ATP2C2: variants seen among roughly 807,000 people sequenced by gnomAD.
The protein encoded by ATP2C2 is ATPase secretory pathway Ca2+ transporting 2, also known as calcium-transporting ATPase type 2C member 2.
A neutral mutation model predicts 110.8 loss-of-function variants in ATP2C2; 171 were observed. The ratio of observed to expected loss-of-function variants is 1.54; its 90% confidence interval spans 1.36 to 1.75. The LOEUF is 1.75. Ranked by LOEUF, ATP2C2 falls within the 40% of genes most tolerant of loss-of-function variation. The pLI is 0.00. For missense variants in ATP2C2, 1,963 were observed against 1,235.0 expected (o/e 1.59, Z -8.84); for synonymous variants, 804 against 508.4 (o/e 1.58, Z -7.82).
At chr16:84,372,701 G>C (rs1486728153) in intron 1 of ATP2C2, among the ~76,000 whole-genome samples, 1 of 152,068 alleles carries the variant, frequency 6.6e-6, no homozygotes, top group Non-Finnish European at 1.5e-5. Flanking sequence ...TGGGATTACA[G>C]GCGTGAGCCA....
chr16:84,459,582 G>T, intron 23 of ATP2C2, 196 bp downstream of exon 23: 2 of 1,536,020 alleles, frequency 1.3e-6, no homozygotes, highest in South Asian at 2.4e-5. Context: ...TACCTGGGCC[G>T]GCAGAGCTGG....
At chr16:84,391,530 G>A (rs1288960649) in intron 1 of ATP2C2, among the ~76,000 whole-genome samples, 1 of 152,224 alleles carries the variant, frequency 6.6e-6, no homozygotes, top group Non-Finnish European at 1.5e-5. Context: ...AATGACTGGG[G>A]TCTTTATAAG....
Position 84,446,431 on chromosome 16 carries a change from G to A in ATP2C2, c.1503+1G>A. 1 of 1,582,538 alleles carries A rather than the reference G, an allele frequency of 6.3e-7. No homozygotes were observed. The highest frequency in any genetic ancestry group is 8.6e-7 in the Non-Finnish European group (1 of 1,165,506). ...GGTGAAATGCAGTCTGAAGACTGAGGTGAGACCTTTCAATCTTCAACCTCT... is the reference window on the plus strand; with the variant it reads ...GGTGAAATGCAGTCTGAAGACTGAGATGAGACCTTTCAATCTTCAACCTCT... On this transcript the variant is annotated splice_donor_variant, in intron 16 of 26. Coordinates refer to ENST00000262429, the MANE Select transcript of ATP2C2 (RefSeq NM_014861.4). LOFTEE classifies it high-confidence loss of function.
chr16:84,418,229 G>A (rs1907008909), intron 7 of ATP2C2, among the ~76,000 whole-genome samples: 1 of 152,222 alleles, frequency 6.6e-6, no homozygotes, highest in Admixed American at 6.5e-5. Context: ...TAGGAGGTGA[G>A]CCCGCGATTG....
At chr16:84,441,906 G>GA (rs369464284) in intron 14 of ATP2C2, among the ~76,000 whole-genome samples, 322 of 152,202 alleles carry the variant, frequency 2.1e-3, no homozygotes, top group African/African-American at 7.3e-3. Flanking sequence ...CTGGGTAATA[G>GA]AATGAGACTC....
intron 1 of ATP2C2, 93 bp downstream of exon 1, chr16:84,368,807 G>C: frequency 9.0e-7 from 1 of 1,111,640 alleles, no homozygotes. Flanking sequence ...CGTTCGCGCT[G>C]CGATCCGCGA....
At chr16:84,438,905 C>G (rs1379360453) in intron 11 of ATP2C2, 3 of 362,248 alleles carry the variant, frequency 8.3e-6, no homozygotes, top group East Asian at 4.7e-5. Context: ...GGCAAAACAG[C>G]TGACAGACTA....
rs186631410 is a variant in ATP2C2, at chr16:84,391,340, A to G, written c.100-7159A>G. Among the ~76,000 whole-genome samples the G allele has an allele frequency of 9.3e-4, 141 of 152,302 alleles. 1 individual carries two copies. In the Middle Eastern group the frequency reaches 0.014, roughly 15 times the overall value. On this transcript the variant is annotated intron_variant, in intron 1 of 26. Transcript: ENST00000262429. ...CCACAGCCCCGGGGCAGCTACTGCC[A>G]TCTCTCGCATCTTCTGTGGACGCAC...
chr16:84,408,500 T>A lies in ATP2C2; in HGVS notation c.417+6T>A, dbSNP rs1187018194. ...ACGCCGTCAGCATCGCCACGGTGAG[T>A]TCCCTGACAGCGCTCGGCTCCCGGG... On this transcript the variant is annotated splice_donor_region_variant and intron_variant, in intron 4 of 26. Transcript: ENST00000262429. 1 of 1,611,330 alleles carries A rather than the reference T, an allele frequency of 6.2e-7. No individual in the cohort carries two copies. Among genetic ancestry groups the A allele is most frequent in the South Asian group, 1.1e-5 (1 of 91,010 alleles).
At chr16:84,408,762 C>T (rs1906010683) in intron 4 of ATP2C2, among the ~76,000 whole-genome samples, 1 of 151,928 alleles carries the variant, frequency 6.6e-6, no homozygotes, top group Admixed American at 6.6e-5. Context: ...TTCCCGTGAC[C>T]CTGGGATGAG....
intron 3 of ATP2C2, among the ~76,000 whole-genome samples, chr16:84,407,622 C>T (rs1451299760): frequency 1.3e-5 from 2 of 152,080 alleles, no homozygotes; most frequent in Non-Finnish European, 2.9e-5. Flanking sequence ...AGGTGCACCT[C>T]ACCATGCCCA....
At chr16:84,435,106 A>C in intron 11 of ATP2C2, among the ~76,000 whole-genome samples, 1 of 152,226 alleles carries the variant, frequency 6.6e-6, no homozygotes, top group South Asian at 2.1e-4. Flanking sequence ...ATTCACAACC[A>C]TTCTATTCAA....
At chr16:84,437,454 G>A (rs1043410028) in intron 11 of ATP2C2, among the ~76,000 whole-genome samples, 2 of 152,018 alleles carry the variant, frequency 1.3e-5, no homozygotes, top group Admixed American at 6.6e-5. Context: ...CAAATGATCT[G>A]CCAGTGTGAT....
chr16:84,430,971 G>A (rs8045507), intron 11 of ATP2C2, among the ~76,000 whole-genome samples: 55,698 of 151,742 alleles, frequency 0.37, 10,377 homozygotes, highest in Non-Finnish European at 0.39. Flanking sequence ...TATCCTTGGC[G>A]GCCATTGGCA....
chr16:84,390,935 C>G (rs1288902524), intron 1 of ATP2C2, among the ~76,000 whole-genome samples: 1 of 151,846 alleles, frequency 6.6e-6, no homozygotes, highest in Non-Finnish European at 1.5e-5. Flanking sequence ...CCAACATGTT[C>G]AAACCCCGTC....
chr16:84,438,670 G>A (rs935648845), intron 11 of ATP2C2, among the ~76,000 whole-genome samples: 1 of 152,124 alleles, frequency 6.6e-6, no homozygotes, highest in African/African-American at 2.4e-5. Flanking sequence ...TGTCGCTGTG[G>A]CCCTTCACCT....
At chr16:84,370,864 A>C (rs775372256) in intron 1 of ATP2C2, among the ~76,000 whole-genome samples, 13 of 151,986 alleles carry the variant, frequency 8.6e-5, no homozygotes, top group Non-Finnish European at 1.8e-4. Flanking sequence ...GTTACTGAGA[A>C]CTTGCTGTGT....
chr16:84,449,423 C>G (rs546890116), intron 17 of ATP2C2, among the ~76,000 whole-genome samples: 3 of 152,196 alleles, frequency 2.0e-5, no homozygotes, highest in African/African-American at 7.2e-5. Context: ...CTTTGCCCCC[C>G]CAAATGGTTT....
intron 17 of ATP2C2, among the ~76,000 whole-genome samples, chr16:84,451,593 T>C (rs996844708): frequency 6.6e-6 from 1 of 152,140 alleles, no homozygotes; most frequent in Non-Finnish European, 1.5e-5. Flanking sequence ...ATCCCAGCAC[T>C]TGGGGAGGCT....
Sources: allele counts gnomAD v4.1 joint callset (sites outside exome capture counted in the v4.1 genomes callset), GRCh38; gene constraint gnomAD v4.1.1; transcripts MANE v1.5; gene names NCBI Gene and HGNC (gene_info 2026-07-23, HGNC 2026-07-21).